Variants in AGBL1 observed in about 807,000 individuals in gnomAD.
AGBL1 encodes the protein AGBL carboxypeptidase 1.
AGBL1 carries 130 observed loss-of-function variants against 118.9 expected under a neutral mutation model. The observed-to-expected ratio is 1.09, with a 90% CI of 0.95 to 1.26. The LOEUF (loss-of-function observed/expected upper bound fraction) is 1.26, where lower values mean the gene tolerates loss of function less well. AGBL1 is among the 50% of genes most tolerant of loss of function. The pLI, the probability that AGBL1 is intolerant of heterozygous loss-of-function variation, is 0.00. For synonymous variants in AGBL1, 555 were observed against 478.9 expected (o/e 1.16, Z -2.08); for missense variants, 1,584 against 1,298.1 (o/e 1.22, Z -3.38).
chr15:86,598,654 G>A (rs529057745), intron 21 of AGBL1, among the ~76,000 whole-genome samples: 2 of 152,168 alleles, frequency 1.3e-5, no homozygotes, highest in African/African-American at 4.8e-5. Flanking sequence ...TTTTACTTCT[G>A]TATGTATGCT....
intron 23 of AGBL1, among the ~76,000 whole-genome samples, chr15:86,925,190 A>AAAAGAAAAGAAGAGAAGAGGAAGAAAAGT (rs2080523194): frequency 1.5e-5 from 2 of 134,176 alleles, no homozygotes; most frequent in African/African-American, 5.9e-5. Context: ...GAAGAGGAAG[A>AAAAGAAAAGAAGAGAAGAGGAAGAAAAGT]AAAGAAGAAA....
rs558400264 is a variant in AGBL1 at position 87,018,059 on chromosome 15, GA to G, written c.3324-10765del. On this transcript the variant is annotated intron_variant, in intron 24 of 24. Coordinates refer to the AGBL1 transcript ENST00000441037. Reference sequence around the variant, plus strand: ...GAAGAATATCTTTCTAAAATAGGCAGATAAGAATAGAGAAAAATAATGAAAA... The same window carrying G: ...GAAGAATATCTTTCTAAAATAGGCAGTAAGAATAGAGAAAAATAATGAAAA... Among the ~76,000 whole-genome samples the G allele has an allele frequency of 6.6e-4, 101 of 152,180 alleles. 1 individual carries two copies. The highest frequency in any genetic ancestry group is 2.4e-3 in the African/African-American group (99 of 41,552).
chr15:86,828,858 A>G (rs2079066208), intron 22 of AGBL1, among the ~76,000 whole-genome samples: 1 of 150,890 alleles, frequency 6.6e-6, no homozygotes, highest in African/African-American at 2.4e-5. Flanking sequence ...GGCTGTGATA[A>G]AGTTTAAAAT....
intron 22 of AGBL1, among the ~76,000 whole-genome samples, chr15:86,752,112 A>G (rs1457531810): frequency 6.6e-6 from 1 of 152,046 alleles, no homozygotes; most frequent in Non-Finnish European, 1.5e-5. Flanking sequence ...TCTTAGCAGG[A>G]GTTAATGTAC....
intron 5 of AGBL1, among the ~76,000 whole-genome samples, chr15:86,183,968 C>G (rs188237311): frequency 6.6e-6 from 1 of 152,300 alleles, no homozygotes; most frequent in Non-Finnish European, 1.5e-5. Flanking sequence ...CCTCAGCACA[C>G]TCGTGCCTGC....
chr15:86,743,894 C>G (rs895264547), intron 22 of AGBL1, among the ~76,000 whole-genome samples: 1 of 152,212 alleles, frequency 6.6e-6, no homozygotes, highest in Non-Finnish European at 1.5e-5. Flanking sequence ...CACGTCTACA[C>G]ACAATCTTTA....
chr15:86,723,119 A>G (rs2086755192), intron 22 of AGBL1, among the ~76,000 whole-genome samples: 1 of 152,220 alleles, frequency 6.6e-6, no homozygotes, highest in Non-Finnish European at 1.5e-5. Context: ...ATCTAGAACT[A>G]GAAATACCAT....
chr15:86,397,031 A>C (rs1938610659), intron 17 of AGBL1, among the ~76,000 whole-genome samples: 1 of 152,186 alleles, frequency 6.6e-6, no homozygotes, highest in African/African-American at 2.4e-5. Context: ...CTTGCAGACC[A>C]CAGAGGAAGA....
At chr15:86,721,394 A>G (rs1332519295) in intron 22 of AGBL1, among the ~76,000 whole-genome samples, 1 of 152,236 alleles carries the variant, frequency 6.6e-6, no homozygotes, top group East Asian at 1.9e-4. Context: ...ACCAAAGACA[A>G]AAACCATACG....
chr15:86,481,532 A>C lies in AGBL1; in HGVS notation c.2556-41278A>C, dbSNP rs117562078. Among the ~76,000 whole-genome samples the C allele has an allele frequency of 2.0e-3, 307 of 152,246 alleles. 11 individuals carry two copies. The East Asian group carries it at 0.056, about 28-fold the overall frequency. ...TTGGAATATGCAATGAATGCATATT[A>C]ATAATTTTCCAAATTGTGGTGCTTA... is the stretch of plus-strand genomic sequence containing the variant. On this transcript the variant is annotated intron_variant, in intron 18 of 22. Coordinates refer to ENST00000614907, the MANE Select transcript of AGBL1 (RefSeq NM_001386094.1).
chr15:86,771,145 C>T (rs58490687), intron 22 of AGBL1, among the ~76,000 whole-genome samples: 6,023 of 151,992 alleles, frequency 0.04, 294 homozygotes, highest in African/African-American at 0.1. Context: ...GATTACGCAC[C>T]GGACTTGACT....
chr15:86,119,812 C>G (rs1250517477), intron 1 of AGBL1, among the ~76,000 whole-genome samples: 1 of 152,100 alleles, frequency 6.6e-6, no homozygotes, highest in African/African-American at 2.4e-5. Flanking sequence ...CCACACATCA[C>G]TTTTAATTCT....
At chr15:86,292,417 T>A (rs1766124415) in intron 16 of AGBL1, among the ~76,000 whole-genome samples, 1 of 152,106 alleles carries the variant, frequency 6.6e-6, no homozygotes, top group African/African-American at 2.4e-5. Flanking sequence ...CCAAAAGGAA[T>A]GCAGCCCTAC....
intron 17 of AGBL1, among the ~76,000 whole-genome samples, chr15:86,395,382 C>T (rs2081347881): frequency 1.3e-5 from 2 of 152,188 alleles, no homozygotes; most frequent in South Asian, 4.1e-4. Context: ...ATTTTGCAAG[C>T]TCCAATGTGA....
intron 21 of AGBL1, among the ~76,000 whole-genome samples, chr15:86,616,212 C>G (rs1244609029): frequency 6.6e-6 from 1 of 152,008 alleles, no homozygotes; most frequent in Middle Eastern, 3.4e-3. Flanking sequence ...AGGCAGGCAC[C>G]TGTAATCTCA....
At chr15:86,095,019 C>T (rs1299799901) in intron 1 of AGBL1, among the ~76,000 whole-genome samples, 1 of 152,100 alleles carries the variant, frequency 6.6e-6, no homozygotes, top group Non-Finnish European at 1.5e-5. Context: ...TGATAATTTG[C>T]TAGAACAGCT....
intron 18 of AGBL1, among the ~76,000 whole-genome samples, chr15:86,399,805 T>G (rs1227917899): frequency 3.3e-5 from 5 of 152,180 alleles, no homozygotes; most frequent in Admixed American, 2.0e-4. Context: ...CAGCTTCTCC[T>G]TAGTGACACT....
At chr15:86,563,026 T>G (rs1316211285) in intron 21 of AGBL1, among the ~76,000 whole-genome samples, 1 of 152,222 alleles carries the variant, frequency 6.6e-6, no homozygotes, top group Non-Finnish European at 1.5e-5. Flanking sequence ...TATTTGATTC[T>G]TCTCTCTTTT....
At chr15:87,009,042 C>G (rs1484885329) in intron 24 of AGBL1, among the ~76,000 whole-genome samples, 3 of 152,090 alleles carry the variant, frequency 2.0e-5, no homozygotes, top group Non-Finnish European at 4.4e-5. Flanking sequence ...TTCAAGCTGG[C>G]TATAGAAATT....
Sources: gnomAD v4.1 joint callset for allele counts (sites outside exome capture counted in the v4.1 genomes callset) on GRCh38, gnomAD v4.1.1 for gene constraint, MANE v1.5 for transcripts, NCBI Gene and HGNC (gene_info 2026-07-23, HGNC 2026-07-21) for gene names.